Variants in DNAAF5 observed in about 807,000 individuals in gnomAD.
The protein encoded by DNAAF5 is HEAT repeat containing 2.
In DNAAF5, 64 loss-of-function variants were observed where a neutral mutation model predicts 75.8. The ratio of observed to expected loss-of-function variants is 0.84; its 90% CI spans 0.69 to 1.04. DNAAF5 has a LOEUF of 1.04. Ranked by LOEUF, DNAAF5 falls within the 50% of genes least tolerant of loss-of-function variation. DNAAF5 has a pLI of 0.00. For synonymous variants in DNAAF5, 657 were observed against 557.2 expected, an observed-to-expected ratio of 1.18 and a Z score of -2.52; for missense variants, 1,269 against 1,178.5, an observed-to-expected ratio of 1.08 and a Z score of -1.12.
At chr7:759,685 G>A (rs915206681) in intron 6 of DNAAF5, among the ~76,000 whole-genome samples, 3 of 152,140 alleles carry the variant, frequency 2.0e-5, no homozygotes, top group Admixed American at 2.0e-4. Context: ...GTCAAATATA[G>A]AGAAATCTAT....
chr7:770,606 T>G lies in DNAAF5; in HGVS notation c.1919T>G (p.Ile640Ser), dbSNP rs767326557. 2 of 1,613,444 alleles carry G rather than the reference T, an allele frequency of 1.2e-6. No homozygotes were observed. Among genetic ancestry groups the G allele is most frequent in the African/African-American group, 2.7e-5 (2 of 74,920 alleles). The change falls in exon 9 of 13, where the codon ATC becomes AGC. Residue 640 changes from isoleucine to serine, a missense_variant. Transcript: ENST00000297440. ...GTGCTGCTCAGAGCCACGGACACCATCAACTCCCAGGGGTAGGTCCGGGCT... is the reference window on the plus strand; with the variant it reads ...GTGCTGCTCAGAGCCACGGACACCAGCAACTCCCAGGGGTAGGTCCGGGCT... ...STVLLRATDT[I>S]NSQGQFPSYL... is the part of the protein sequence containing the mutation.
In DNAAF5 at chr7:774,201, A is replaced by G; in HGVS notation, c.2082+3A>G. ...GCGAGGTCCTGTCGGCAGAGCAGGT[A>G]CGGGGCTCCCTGCGTGCTCGGTGGA... On this transcript the variant is annotated splice_donor_region_variant and intron_variant, in intron 10 of 12. Transcript: ENST00000297440. 2 of 1,602,990 alleles carry G rather than the reference A, an allele frequency of 1.2e-6. No homozygotes were observed. Among genetic ancestry groups the G allele is most frequent in the Non-Finnish European group, 1.7e-6 (2 of 1,177,492 alleles).
rs978470861 is a variant in DNAAF5, at chr7:741,039, T to A, written c.905+96T>A. 7 of 1,438,794 alleles carry A rather than the reference T, an allele frequency of 4.9e-6. No individual in the cohort carries two copies. The African/African-American group carries it at 7.0e-5, about 14-fold the overall frequency. 89.1% of individuals were successfully genotyped at this position (1,438,794 alleles called of 1,614,324 possible). Reference sequence around the variant, plus strand: ...CTCCCAGTCTCTCACAGAAACCTGCTGGTGTCCCTTTGTCCCTGTGCTCCG... The same window carrying A: ...CTCCCAGTCTCTCACAGAAACCTGCAGGTGTCCCTTTGTCCCTGTGCTCCG... On this transcript the variant is annotated intron_variant, in intron 3 of 12. Transcript: ENST00000297440.
intron 8 of DNAAF5, among the ~76,000 whole-genome samples, chr7:769,660 G>A (rs565693248): frequency 6.6e-6 from 1 of 152,364 alleles, no homozygotes; most frequent in Non-Finnish European, 1.5e-5. Flanking sequence ...AAAAATGGAA[G>A]GTTGTTTTGT....
At chr7:740,770 G>A (rs530618811) in intron 2 of DNAAF5, 49 bp from the exon 3 acceptor site, 79 of 1,606,954 alleles carry the variant, frequency 4.9e-5, no homozygotes, top group Admixed American at 1.7e-4. Flanking sequence ...CGTCAGCCCC[G>A]GCATCCCCTT....
At chr7:747,353 A>C (rs1397380561) in intron 4 of DNAAF5, among the ~76,000 whole-genome samples, 1 of 150,730 alleles carries the variant, frequency 6.6e-6, no homozygotes, top group Non-Finnish European at 1.5e-5. Flanking sequence ...TCCAGTGTTG[A>C]CACACGGTAT....
chr7:749,864 A>G (rs1244253827), intron 4 of DNAAF5, among the ~76,000 whole-genome samples: 2 of 151,960 alleles, frequency 1.3e-5, no homozygotes, highest in Non-Finnish European at 2.9e-5. Flanking sequence ...GCACCTGGAT[A>G]ATTTTTGTGT....
intron 4 of DNAAF5, among the ~76,000 whole-genome samples, chr7:753,663 G>A (rs975566855): frequency 7.9e-5 from 12 of 151,366 alleles, no homozygotes; most frequent in Admixed American, 3.9e-4. Flanking sequence ...CGATGGCTTC[G>A]CAGGCTTGTC....
intron 8 of DNAAF5, among the ~76,000 whole-genome samples, chr7:765,369 G>GTTGCA (rs1782788766): frequency 6.6e-6 from 1 of 152,176 alleles, no homozygotes; most frequent in South Asian, 2.1e-4. Flanking sequence ...GGCCCAGGGT[G>GTTGCA]TTGCATTTCA....
At chr7:771,400 AC>A (rs1347611989) in intron 9 of DNAAF5, 2 of 152,068 alleles carry the variant, frequency 1.3e-5, no homozygotes, top group Admixed American at 6.5e-5. Flanking sequence ...GCTGGGTCCT[AC>A]CCCCGCCTGT....
chr7:727,346 C>A, intron 1 of DNAAF5, 31 bp downstream of exon 1: 3 of 1,173,970 alleles, frequency 2.6e-6, no homozygotes, highest in Non-Finnish European at 3.2e-6. Flanking sequence ...TCCCACACGC[C>A]ACCCCACACT....
chr7:728,896 C>T (rs1319035951), intron 1 of DNAAF5, among the ~76,000 whole-genome samples: 5 of 152,178 alleles, frequency 3.3e-5, no homozygotes, highest in Admixed American at 6.5e-5. Context: ...GAGGCGCTCA[C>T]CCAAAGTCTC....
chr7:781,161 C>G (rs1408761309), intron 12 of DNAAF5, among the ~76,000 whole-genome samples: 1 of 152,156 alleles, frequency 6.6e-6, no homozygotes, highest in Non-Finnish European at 1.5e-5. Context: ...TTAACCATCC[C>G]CACCTCTTCC....
intron 11 of DNAAF5, among the ~76,000 whole-genome samples, chr7:775,416 C>T (rs556841110): frequency 6.6e-6 from 1 of 152,112 alleles, no homozygotes; most frequent in South Asian, 2.1e-4. Context: ...GCTGGTGGCA[C>T]ACACCTGTAG....
intron 9 of DNAAF5, 76 bp from the exon 10 acceptor site, chr7:773,972 A>G (rs1164301716): frequency 3.8e-6 from 6 of 1,560,916 alleles, no homozygotes; most frequent in Non-Finnish European, 5.3e-6. Flanking sequence ...CCTCAGCCCC[A>G]TTCATCCCTA....
chr7:764,267 C>T (rs1583505475), intron 8 of DNAAF5, among the ~76,000 whole-genome samples: 1 of 152,218 alleles, frequency 6.6e-6, no homozygotes, highest in African/African-American at 2.4e-5. Context: ...TTCTTAAATA[C>T]GTCTGGATTT....
At chr7:762,743 A>C (rs1782702226) in intron 7 of DNAAF5, among the ~76,000 whole-genome samples, 1 of 151,690 alleles carries the variant, frequency 6.6e-6, no homozygotes, top group Non-Finnish European at 1.5e-5. Context: ...CCTCCTGAGT[A>C]GCCGGGATTA....
At position 785,626 on chromosome 7, in the gene DNAAF5, T is replaced by C. The variant is rs910940634; in HGVS notation, c.2541T>C (p.His847=). Residue 847 remains histidine, a synonymous_variant, in exon 13 of 13, where the codon CAT becomes CAC. Coordinates refer to ENST00000297440, the MANE Select transcript of DNAAF5 (RefSeq NM_017802.4). ...SATYCEQLLQ[H]VQAVPATQ ...CCTACTGCGAGCAGCTCCTGCAGCA[T>C]GTGCAGGCCGTGCCAGCCACACAGT... 6 of 1,613,070 alleles carry C rather than the reference T, an allele frequency of 3.7e-6. No homozygotes were observed. The Admixed American group carries it at 5.0e-5, about 13-fold the overall frequency.
chr7:752,691 A>G (rs577644211), intron 4 of DNAAF5, among the ~76,000 whole-genome samples: 4 of 152,376 alleles, frequency 2.6e-5, no homozygotes, highest in African/African-American at 7.2e-5. Context: ...GTGCGTCCTC[A>G]AAAGACCGCT....
Sources: allele counts gnomAD v4.1 joint callset (sites outside exome capture counted in the v4.1 genomes callset), GRCh38; gene constraint gnomAD v4.1.1; transcripts MANE v1.5; gene names NCBI Gene and HGNC (gene_info 2026-07-23, HGNC 2026-07-21).